Variants in XRCC4 observed in about 807,000 individuals in gnomAD.
XRCC4 encodes DNA repair protein XRCC4.
Under a neutral mutation model 39.1 loss-of-function variants are expected in XRCC4, and 28 were observed. That is an observed-to-expected ratio of 0.72 (90% confidence interval 0.53 to 0.98). The LOEUF is 0.98. XRCC4 is among the 50% of genes least tolerant of loss of function. The pLI, the probability that XRCC4 is intolerant of heterozygous loss-of-function variation, is 0.00. For synonymous variants in XRCC4, 123 were observed against 126.4 expected (o/e 0.97, Z 0.18); for missense variants, 350 against 376.4 (o/e 0.93, Z 0.58).
At chr5:83,321,829 T>C (rs1215968655) in intron 7 of XRCC4, among the ~76,000 whole-genome samples, 2 of 151,904 alleles carry the variant, frequency 1.3e-5, no homozygotes, top group Non-Finnish European at 2.9e-5. Flanking sequence ...ATTTAATGTG[T>C]TATGGTAATG....
chr5:83,143,484 G>A (rs983976090), intron 3 of XRCC4, among the ~76,000 whole-genome samples: 4 of 152,018 alleles, frequency 2.6e-5, no homozygotes, highest in Admixed American at 6.6e-5. Context: ...ACTGTTAAAA[G>A]CAACATTCTA....
chr5:83,219,847 T>C (rs1256383225), intron 6 of XRCC4, among the ~76,000 whole-genome samples: 1 of 152,206 alleles, frequency 6.6e-6, no homozygotes, highest in Non-Finnish European at 1.5e-5. Flanking sequence ...ACATATTCTT[T>C]TTCTTTTTCC....
chr5:83,347,426 A>C (rs1275572362), intron 7 of XRCC4, among the ~76,000 whole-genome samples: 3 of 152,156 alleles, frequency 2.0e-5, no homozygotes, highest in African/African-American at 7.2e-5. Flanking sequence ...ACTTACAATC[A>C]TGGTGGAAGG....
Position 83,079,830 on chromosome 5 carries a change from C to T in XRCC4, c.-11+2215C>T, listed in dbSNP as rs113543539. Among the ~76,000 whole-genome samples, 76 of 152,164 alleles carry T rather than the reference C, an allele frequency of 5.0e-4. 1 individual carries two copies. Among genetic ancestry groups the T allele is most frequent in the African/African-American group, 1.6e-3 (66 of 41,542 alleles). On this transcript the variant is annotated intron_variant, in intron 1 of 7. Transcript: ENST00000396027. The stretch of plus-strand genomic sequence containing the variant: ...ATTACAGGTGTAGGCCACCGCACCA[C>T]GTCTGGCCTGTTCAAAAAGTATTAT...
chr5:83,132,685 C>T (rs949772975), intron 3 of XRCC4, among the ~76,000 whole-genome samples: 6 of 152,070 alleles, frequency 3.9e-5, no homozygotes, highest in Non-Finnish European at 2.9e-5. Context: ...GCCACTGAAG[C>T]CTGTGCATGC....
At chr5:83,149,928 T>G (rs945091021) in intron 3 of XRCC4, among the ~76,000 whole-genome samples, 1 of 152,134 alleles carries the variant, frequency 6.6e-6, no homozygotes, top group Non-Finnish European at 1.5e-5. Context: ...TCACCAGTTC[T>G]GTGACTCAGT....
chr5:83,137,324 G>T (rs909074672), intron 3 of XRCC4, among the ~76,000 whole-genome samples: 1 of 152,118 alleles, frequency 6.6e-6, no homozygotes, highest in Non-Finnish European at 1.5e-5. Flanking sequence ...ACTTAACTGG[G>T]ATGTTTCAGT....
At chr5:83,320,585 A>G (rs1756033928) in intron 7 of XRCC4, among the ~76,000 whole-genome samples, 1 of 151,612 alleles carries the variant, frequency 6.6e-6, no homozygotes, top group Non-Finnish European at 1.5e-5. Context: ...CTATAGAGAA[A>G]TATTTTGTGA....
intron 3 of XRCC4, among the ~76,000 whole-genome samples, chr5:83,153,916 A>G (rs1356817746): frequency 6.6e-6 from 1 of 152,262 alleles, no homozygotes; most frequent in African/African-American, 2.4e-5. Flanking sequence ...TAATTGTGTT[A>G]TTGTATATGT....
rs752598620 is a variant in XRCC4, at chr5:83,313,682, G to A, written c.894-39449G>A. Among the ~76,000 whole-genome samples, 33 of 152,052 alleles carry A rather than the reference G, an allele frequency of 2.2e-4. 1 individual carries two copies. Among genetic ancestry groups the A allele is most frequent in the Admixed American group, 7.9e-4 (12 of 15,246 alleles). ...TCAGCTGTAATCCTGCTTTTTGCAC[G>A]AGCATTCCTCTGCCTGGAATACTCT... On this transcript the variant is annotated intron_variant, in intron 7 of 7. Coordinates refer to ENST00000396027, the MANE Select transcript of XRCC4 (RefSeq NM_003401.5).
chr5:83,204,789 A>G, intron 5 of XRCC4, 26 bp from the exon 6 acceptor site: 1 of 1,584,462 alleles, frequency 6.3e-7, no homozygotes, highest in Non-Finnish European at 8.6e-7. Context: ...CCAGTTATTT[A>G]TAATTCTACC....
At chr5:83,132,094 A>G (rs1747621467) in intron 3 of XRCC4, among the ~76,000 whole-genome samples, 1 of 152,102 alleles carries the variant, frequency 6.6e-6, no homozygotes, top group African/African-American at 2.4e-5. Context: ...AAAATCTCTC[A>G]GCATTTGCTT....
intron 7 of XRCC4, among the ~76,000 whole-genome samples, chr5:83,335,141 A>G (rs1323757338): frequency 6.6e-6 from 1 of 151,944 alleles, no homozygotes; most frequent in East Asian, 1.9e-4. Flanking sequence ...TGGCCTGTTA[A>G]CCCACCCTAC....
At chr5:83,321,680 A>G (rs561707453) in intron 7 of XRCC4, among the ~76,000 whole-genome samples, 3 of 152,270 alleles carry the variant, frequency 2.0e-5, no homozygotes, top group Admixed American at 2.0e-4. Context: ...TGTGCATTAG[A>G]TCCATCTACC....
At chr5:83,372,237 T>A in the XRCC4 span, among the ~76,000 whole-genome samples, 1 of 152,234 alleles carries the variant, frequency 6.6e-6, no homozygotes, top group Non-Finnish European at 1.5e-5. Flanking sequence ...TTTAAAATGA[T>A]ATTTATCCCA....
intron 7 of XRCC4, among the ~76,000 whole-genome samples, chr5:83,303,414 A>T (rs1234729047): frequency 1.3e-5 from 2 of 152,166 alleles, no homozygotes; most frequent in African/African-American, 4.8e-5. Flanking sequence ...AAGAACAGTT[A>T]TCCTGTAGTG....
rs1278006079 is a variant in XRCC4 at position 83,116,618 on chromosome 5, T to C, written c.315+5415T>C. Among the ~76,000 whole-genome samples, 7 of 125,640 alleles carry C rather than the reference T, an allele frequency of 5.6e-5. 1 individual carries two copies. Among genetic ancestry groups the C allele is most frequent in the Non-Finnish European group, 1.0e-4 (6 of 59,102 alleles). The allele number at this position is 125,640 out of a possible 152,430, so 82.4% of individuals were successfully genotyped here. A position where few individuals can be genotyped will look rare whatever the true frequency, so the allele number is the denominator to read the frequency against. On this transcript the variant is annotated intron_variant, in intron 3 of 7. Transcript: ENST00000396027. ...CCAGTTTCTCTCTCTCTTTTTTTTTTTTTTTTTTTTTTTTTTTTTTTGAGA... is the reference window on the plus strand; with the variant it reads ...CCAGTTTCTCTCTCTCTTTTTTTTTCTTTTTTTTTTTTTTTTTTTTTGAGA...
In XRCC4 at chr5:83,160,623, TCTTA is replaced by T. The variant is rs566938239; in HGVS notation, c.316-35143_316-35140del. Among the ~76,000 whole-genome samples, 141 of 152,324 alleles carry T rather than the reference TCTTA, an allele frequency of 9.3e-4. 1 individual carries two copies. Among genetic ancestry groups the T allele is most frequent in the African/African-American group, 3.1e-3 (129 of 41,586 alleles). On this transcript the variant is annotated intron_variant, in intron 3 of 7. Transcript: ENST00000396027. ...TCATTCTGTGAAGCTCTTAATTTAT[TCTTA>T]CTTCGGAAAATATTCTTTCAGAATT...
chr5:83,300,014 T>C (rs1317538202), intron 7 of XRCC4, among the ~76,000 whole-genome samples: 1 of 152,204 alleles, frequency 6.6e-6, no homozygotes, highest in East Asian at 1.9e-4. Flanking sequence ...TATGAAGATG[T>C]TTTTCCTGAA....
Sources: allele counts gnomAD v4.1 joint callset (sites outside exome capture counted in the v4.1 genomes callset), GRCh38; gene constraint gnomAD v4.1.1; transcripts MANE v1.5; gene names NCBI Gene and HGNC (gene_info 2026-07-23, HGNC 2026-07-21).